Variants in DNMT3A observed in about 807,000 individuals in gnomAD.
DNMT3A encodes DNA (cytosine-5)-methyltransferase 3A.
DNMT3A carries 267 observed loss-of-function variants against 117.6 expected under a neutral mutation model. The ratio of observed to expected loss-of-function variants is 2.27; its 90% CI spans 2.05 to 2.51. DNMT3A has a LOEUF of 2.51. Ranked by LOEUF, DNMT3A falls within the 30% of genes most tolerant of loss-of-function variation. DNMT3A has a pLI of 0.00. For synonymous variants in DNMT3A, 432 were observed against 474.8 expected (o/e 0.91, Z 1.17); for missense variants, 1,029 against 1,260.2 (o/e 0.82, Z 2.78).
rs763285405 is a variant in DNMT3A, at chr2:25,281,658, C to A, written c.448+783G>T. ...TCAAATGTGATAATGTATGAGAAAG[C>A]GCTTTGTAAACTGTGAAGCCCTGTA... On this transcript the variant is annotated intron_variant, in intron 4 of 22. Coordinates refer to ENST00000321117, the MANE Select transcript of DNMT3A (RefSeq NM_022552.5). This position sits in a 1 kb window ranked among gnomAD's most constrained non-coding sequence, Gnocchi z 4.8. 3 of 1,065,140 alleles carry A rather than the reference C, an allele frequency of 2.8e-6. No homozygotes were observed. The highest frequency in any genetic ancestry group is 1.6e-5 in the African/African-American group (1 of 61,044). The allele number at this position is 1,065,140 out of a possible 1,614,324, so 66.0% of individuals were successfully genotyped here. A position where few individuals can be genotyped will look rare whatever the true frequency, so the allele number is the denominator to read the frequency against.
chr2:25,242,907 T>C (rs563267796), intron 16 of DNMT3A, among the ~76,000 whole-genome samples: 1 of 121,354 alleles, frequency 8.2e-6, no homozygotes, highest in East Asian at 2.6e-4. Flanking sequence ...GTCACAGCAC[T>C]ACTTATAATA....
At chr2:25,323,055 A>G (rs2034656699) in intron 1 of DNMT3A, among the ~76,000 whole-genome samples, 1 of 151,978 alleles carries the variant, frequency 6.6e-6, no homozygotes, top group South Asian at 2.1e-4. Context: ...ACGCTTGTCA[A>G]AAGGTTTTCG....
intron 9 of DNMT3A, 122 bp downstream of exon 9, chr2:25,246,929 G>T (rs1674868915): frequency 6.8e-7 from 1 of 1,473,610 alleles, no homozygotes; most frequent in African/African-American, 1.4e-5. Context: ...GGCGAGCGAG[G>T]TGGAGAGAAA....
intron 6 of DNMT3A, among the ~76,000 whole-genome samples, chr2:25,263,962 C>G (rs756894277): frequency 1.3e-5 from 2 of 152,162 alleles, no homozygotes; most frequent in Non-Finnish European, 2.9e-5. Flanking sequence ...ACAATTCATT[C>G]ATTTACCTAC....
Position 25,281,789 on chromosome 2 carries a change from G to A in DNMT3A, c.448+652C>T, listed in dbSNP as rs1022298760. On this transcript the variant is annotated intron_variant, in intron 4 of 22. Coordinates refer to ENST00000321117, the MANE Select transcript of DNMT3A (RefSeq NM_022552.5). The surrounding 1 kb of genome is among the most constrained non-coding windows in gnomAD (Gnocchi z 4.8). The stretch of plus-strand genomic sequence containing the variant: ...GTGGGCAACTTTCCAGGCTTCCAGG[G>A]TTAGGCCAAAAAGTCCCCAGATGAA... 3.8e-6 allele frequency: 4 copies of A among 1,066,098 alleles called. No individual in the cohort carries two copies. The highest frequency in any genetic ancestry group is 4.5e-6 in the Non-Finnish European group (4 of 879,740). 66.0% of individuals were successfully genotyped at this position (1,066,098 alleles called of 1,614,324 possible).
chr2:25,228,489 T>C lies in DNMT3A; in HGVS notation c.*5790A>G, dbSNP rs2149242949. On this transcript the variant is annotated 3_prime_UTR_variant, in exon 23 of 23. Transcript: ENST00000321117. Reference sequence around the variant, plus strand: ...GAGTTTATTCTTCAGTATGAATACATGATTTCCCACAAATAAGTAAGCACC... The same window carrying C: ...GAGTTTATTCTTCAGTATGAATACACGATTTCCCACAAATAAGTAAGCACC... The C allele has an allele frequency of 6.6e-6, 1 of 152,138 alleles. No homozygotes were observed. Among genetic ancestry groups the C allele is most frequent in the East Asian group, 1.9e-4 (1 of 5,188 alleles). The allele number at this position is 152,138 out of a possible 1,614,324, so 9.4% of individuals were successfully genotyped here. A position where few individuals can be genotyped will look rare whatever the true frequency, so the allele number is the denominator to read the frequency against.
rs1255528857 is a variant in DNMT3A at position 25,293,962 on chromosome 2, C to A, written c.177+6177G>T. Among the ~76,000 whole-genome samples the A allele has an allele frequency of 6.6e-6, 1 of 152,210 alleles. No homozygotes were observed. The highest frequency in any genetic ancestry group is 1.5e-5 in the Non-Finnish European group (1 of 68,038). Reference sequence around the variant, plus strand: ...GTGGGATTACAGGTGTGAGCCATTGCACCCAGCCCCGTATACATTTTTCAA... The same window carrying A: ...GTGGGATTACAGGTGTGAGCCATTGAACCCAGCCCCGTATACATTTTTCAA... On this transcript the variant is annotated intron_variant, in intron 3 of 22. Coordinates refer to ENST00000321117, the MANE Select transcript of DNMT3A (RefSeq NM_022552.5). The surrounding 1 kb of genome is among the most constrained non-coding windows in gnomAD (Gnocchi z 4.7).
rs2033121968 is a variant in DNMT3A, at chr2:25,296,857, G to A, written c.177+3282C>T. On this transcript the variant is annotated intron_variant, in intron 3 of 22. Coordinates refer to ENST00000321117, the MANE Select transcript of DNMT3A (RefSeq NM_022552.5). This position sits in a 1 kb window ranked among gnomAD's most constrained non-coding sequence, Gnocchi z 4.2. ...GGTGAGGGCACTAGTGGGTATATCT[G>A]GACCCTCCCTGTCCAGCGCTGGCTG... Among the ~76,000 whole-genome samples, 1 of 152,128 alleles carries A rather than the reference G, an allele frequency of 6.6e-6. No homozygotes were observed.
intron 6 of DNMT3A, among the ~76,000 whole-genome samples, chr2:25,250,435 G>T (rs1326356483): frequency 6.6e-6 from 1 of 152,202 alleles, no homozygotes. Flanking sequence ...ATGAGCTCAT[G>T]GATGGCGGAA....
At chr2:25,261,466 A>G (rs1676599169) in intron 6 of DNMT3A, among the ~76,000 whole-genome samples, 3 of 133,624 alleles carry the variant, frequency 2.2e-5, no homozygotes, top group African/African-American at 5.6e-5. Context: ...AAAAAGCCAG[A>G]GGTGGGGGCG....
intron 6 of DNMT3A, among the ~76,000 whole-genome samples, chr2:25,271,178 T>C (rs1213645441): frequency 1.3e-5 from 2 of 151,538 alleles, no homozygotes; most frequent in African/African-American, 4.9e-5. Context: ...AACCCCCATC[T>C]CTACTAAAAA....
rs1230719820 is a variant in DNMT3A at position 25,246,219 on chromosome 2, G to T, written c.1370C>A (p.Pro457His). 2 of 1,614,038 alleles carry T rather than the reference G, an allele frequency of 1.2e-6. No individual in the cohort carries two copies. Among genetic ancestry groups the T allele is most frequent in the East Asian group, 2.2e-5 (1 of 44,900 alleles). ...AYAPPPPAKK[P>H]RKSTAEKPKV... ...GGGCTTCTCCGCTGTGCTCTTCCGG[G>T]GCTTTTTGGCTGGTGGAGGTGGTGC... The change falls in exon 11 of 23, where the codon CCC (proline) becomes CAC (histidine). Residue 457 changes from proline (P) to histidine (H), a missense_variant. Physicochemically the swap from Pro to His is moderately conservative, Grantham distance 77. Transcript: ENST00000321117.
At chr2:25,251,492 G>A (rs1346751607) in intron 6 of DNMT3A, among the ~76,000 whole-genome samples, 1 of 152,132 alleles carries the variant, frequency 6.6e-6, no homozygotes, top group East Asian at 1.9e-4. Context: ...GAACTCCGGT[G>A]ACTACTGCCT....
chr2:25,253,349 G>A (rs898899778), intron 6 of DNMT3A, among the ~76,000 whole-genome samples: 1 of 152,190 alleles, frequency 6.6e-6, no homozygotes, highest in Non-Finnish European at 1.5e-5. Context: ...AAGGATCACT[G>A]TAAAACAAAC....
Position 25,248,484 on chromosome 2 carries a change from C to T in DNMT3A, c.640-232G>A, listed in dbSNP as rs535164835. On this transcript the variant is annotated intron_variant, in intron 6 of 22. Coordinates refer to ENST00000321117, the MANE Select transcript of DNMT3A (RefSeq NM_022552.5). Reference sequence around the variant, plus strand: ...TCTGCCTTTTAGGAAACCTTCCTCCCAGATCTAATCTTCCTCAATCTCATC... The same window carrying T: ...TCTGCCTTTTAGGAAACCTTCCTCCTAGATCTAATCTTCCTCAATCTCATC... Among the ~76,000 whole-genome samples, 3 of 152,314 alleles carry T rather than the reference C, an allele frequency of 2.0e-5. No individual in the cohort carries two copies. The South Asian group carries it at 6.2e-4, about 32-fold the overall frequency.
At chr2:25,315,437 C>T (rs2034332240) in intron 1 of DNMT3A, among the ~76,000 whole-genome samples, 1 of 152,174 alleles carries the variant, frequency 6.6e-6, no homozygotes, top group African/African-American at 2.4e-5. Flanking sequence ...GGACCTGCCC[C>T]ACAGCTGAGC....
chr2:25,239,596 G>A (rs997135300), intron 19 of DNMT3A: 49 of 516,718 alleles, frequency 9.5e-5, no homozygotes, highest in Admixed American at 2.0e-4. Context: ...CTACCATATT[G>A]CACAGTGCTG....
chr2:25,239,649 G>C (rs1382366551), intron 19 of DNMT3A: 5 of 460,424 alleles, frequency 1.1e-5, no homozygotes, highest in Non-Finnish European at 2.3e-5. Flanking sequence ...GCTCCAGCGA[G>C]TATGGGTGTG....
Position 25,244,184 on chromosome 2 carries a change from AC to A in DNMT3A, c.1821del (p.Met607IlefsTer44). 6.2e-7 allele frequency: 1 copy of A among 1,613,910 alleles called. No individual in the cohort carries two copies. The highest frequency in any genetic ancestry group is 2.2e-5 in the East Asian group (1 of 44,880). Reference sequence around the variant, plus strand: ...TCCTGGTCGTGGTTATTAGCGAAGAACATCTGGAGCCGGGAGGGCCAGTCCT... The same window carrying A: ...TCCTGGTCGTGGTTATTAGCGAAGAAATCTGGAGCCGGGAGGGCCAGTCCT... ...RREDWPSRLQ[M>X]FFANNHDQEF... On this transcript the variant is annotated frameshift_variant, in exon 15 of 23. Transcript: ENST00000321117. LOFTEE classifies it high-confidence loss of function.
Sources: gnomAD v4.1 joint callset for allele counts (sites outside exome capture counted in the v4.1 genomes callset) on GRCh38, gnomAD v4.1.1 for gene constraint, Gnocchi (gnomAD v3.1) non-coding constraint, MANE v1.5 for transcripts, NCBI Gene and HGNC (gene_info 2026-07-23, HGNC 2026-07-21) for gene names.